TMEM131: variants seen among roughly 807,000 people sequenced by gnomAD.
TMEM131 encodes 2610524E03Rik.
In TMEM131, 66 loss-of-function variants were observed where a neutral mutation model predicts 211.6. The observed-to-expected ratio is 0.31, with a 90% CI of 0.26 to 0.38. TMEM131 has a LOEUF of 0.38. TMEM131 is among the 10% of genes least tolerant of loss of function. The probability of loss-of-function intolerance (pLI) is 1.00; values close to 1 mark genes in which losing one functional copy is unlikely to be tolerated. For missense variants in TMEM131, 2,036 were observed against 2,299.3 expected (o/e 0.89, Z 2.34); for synonymous variants, 844 against 841.3 (o/e 1.00, Z -0.06).
Position 97,834,819 on chromosome 2 carries a change from C to T in TMEM131, c.911G>A (p.Ser304Asn). 6.2e-7 allele frequency: 1 copy of T among 1,613,848 alleles called. No individual in the cohort carries two copies. Among genetic ancestry groups the T allele is most frequent in the South Asian group, 1.1e-5 (1 of 91,070 alleles). Residue 304 changes from serine to asparagine, a missense_variant, in exon 9 of 41, where the codon AGC becomes AAC. Physicochemically the swap from Ser to Asn is conservative, Grantham distance 46. This residue lies in a region of TMEM131 where 277 missense variants were observed against 378.0 expected (regional missense o/e 0.73). Transcript: ENST00000186436. ...AACAGGAAGAATGATAAACTCTGTG[C>T]TGTCTGAAGCATTAGTCTTTATTCT... is the stretch of plus-strand genomic sequence containing the variant. ...FIRIKTNASD[S>N]TEFIILPVEV...
intron 17 of TMEM131, 41 bp from the exon 18 acceptor site, chr2:97,811,273 G>A (rs1681537770): frequency 6.7e-7 from 1 of 1,491,652 alleles, no homozygotes; most frequent in Non-Finnish European, 9.3e-7. Flanking sequence ...AGCCTTGTTA[G>A]TTGAAGTTTC....
intron 31 of TMEM131, among the ~76,000 whole-genome samples, chr2:97,792,122 T>A (rs376099213): frequency 7.9e-5 from 12 of 152,300 alleles, no homozygotes; most frequent in African/African-American, 2.9e-4. Context: ...AATAACACAA[T>A]CTCAGGCAGC....
chr2:97,822,733 G>A (rs745910748), intron 11 of TMEM131, among the ~76,000 whole-genome samples: 43 of 152,176 alleles, frequency 2.8e-4, no homozygotes, highest in Admixed American at 1.2e-3. Context: ...CAACTATTCC[G>A]ATCAGCAGGG....
intron 2 of TMEM131, among the ~76,000 whole-genome samples, chr2:97,922,635 G>C (rs1206466135): frequency 6.6e-6 from 1 of 152,056 alleles, no homozygotes; most frequent in African/African-American, 2.4e-5. Flanking sequence ...AATACAAACT[G>C]TATGAACTTC....
At chr2:97,868,842 G>A (rs137925409) in intron 4 of TMEM131, among the ~76,000 whole-genome samples, 29 of 152,278 alleles carry the variant, frequency 1.9e-4, no homozygotes, top group Non-Finnish European at 7.4e-5. Flanking sequence ...TTGCCTCCGT[G>A]GAGACTCAGA....
At chr2:97,939,140 C>T (rs1486253590) in intron 1 of TMEM131, among the ~76,000 whole-genome samples, 1 of 152,078 alleles carries the variant, frequency 6.6e-6, no homozygotes, top group Non-Finnish European at 1.5e-5. Flanking sequence ...AGAGCAAACA[C>T]ATTCAAAAGC....
In TMEM131 at chr2:97,818,670, T is replaced by C. The variant is rs1333658523; in HGVS notation, c.1126A>G (p.Ile376Val). 1.9e-6 allele frequency: 3 copies of C among 1,608,968 alleles called. No homozygotes were observed. Among genetic ancestry groups the C allele is most frequent in the Non-Finnish European group, 1.7e-6 (2 of 1,177,074 alleles). The change falls in exon 12 of 41, where the codon ATT becomes GTT. Residue 376 changes from isoleucine (I) to valine (V), a missense_variant. Physicochemically the swap from Ile to Val is conservative, Grantham distance 29 (BLOSUM62 3). This residue lies in a region of TMEM131 where 277 missense variants were observed against 378.0 expected (regional missense o/e 0.73). Transcript: ENST00000186436. Reference sequence around the variant, plus strand: ...TTACTTTCTGATGCTTTTAATGTAATTGGTTTAAAGTGTACCGTTATAGCA... The same window carrying C: ...TTACTTTCTGATGCTTTTAATGTAACTGGTTTAAAGTGTACCGTTATAGCA... ...NDAITVHFKP[I>V]TLKASESKYT...
chr2:97,849,881 G>A (rs1364836763), intron 5 of TMEM131, among the ~76,000 whole-genome samples: 4 of 151,738 alleles, frequency 2.6e-5, no homozygotes, highest in Admixed American at 6.6e-5. Flanking sequence ...CTCTTGGTGG[G>A]CAAGATTAAA....
chr2:97,970,764 G>A (rs1281252090), intron 1 of TMEM131, among the ~76,000 whole-genome samples: 1 of 152,104 alleles, frequency 6.6e-6, no homozygotes, highest in Non-Finnish European at 1.5e-5. Flanking sequence ...CCAACTTCTG[G>A]TGGTCTGCCA....
At chr2:97,786,059 C>T (rs1373424813) in intron 31 of TMEM131, among the ~76,000 whole-genome samples, 1 of 152,136 alleles carries the variant, frequency 6.6e-6, no homozygotes, top group Non-Finnish European at 1.5e-5. Flanking sequence ...GAAAAGGGCC[C>T]ATGAGGATTC....
chr2:97,966,863 CA>C (rs1201075234), intron 1 of TMEM131, among the ~76,000 whole-genome samples: 2 of 152,112 alleles, frequency 1.3e-5, no homozygotes, highest in Non-Finnish European at 2.9e-5. Context: ...TCCAAGTCAG[CA>C]GTCTGTTTAC....
chr2:97,989,066 A>G (rs1312029455), intron 1 of TMEM131, among the ~76,000 whole-genome samples: 1 of 152,250 alleles, frequency 6.6e-6, no homozygotes, highest in African/African-American at 2.4e-5. Flanking sequence ...ATGGAATATA[A>G]TTCAACCTTA....
chr2:97,766,700 C>T, intron 33 of TMEM131, 98 bp from the exon 34 acceptor site: 1 of 1,463,934 alleles, frequency 6.8e-7, no homozygotes, highest in Non-Finnish European at 9.3e-7. Flanking sequence ...CAACTGCATG[C>T]AGGAAGCTAA....
At chr2:97,800,802 G>T (rs1333369823) in intron 25 of TMEM131, among the ~76,000 whole-genome samples, 1 of 151,784 alleles carries the variant, frequency 6.6e-6, no homozygotes, top group African/African-American at 2.4e-5. Context: ...AGGAAGTTCT[G>T]GTTACTGAGC....
chr2:97,858,158 T>C (rs1421390503), intron 5 of TMEM131, among the ~76,000 whole-genome samples: 4 of 152,194 alleles, frequency 2.6e-5, no homozygotes, highest in Non-Finnish European at 4.4e-5. Flanking sequence ...TATAAAAATG[T>C]AGCAACCAAT....
At chr2:97,977,645 C>T (rs1298572627) in intron 1 of TMEM131, among the ~76,000 whole-genome samples, 1 of 152,182 alleles carries the variant, frequency 6.6e-6, no homozygotes, top group East Asian at 1.9e-4. Flanking sequence ...TATATCTTAA[C>T]TTAAAAATAC....
At chr2:97,768,095 TA>T (rs1336528809) in intron 33 of TMEM131, among the ~76,000 whole-genome samples, 2 of 152,180 alleles carry the variant, frequency 1.3e-5, no homozygotes, top group Non-Finnish European at 2.9e-5. Flanking sequence ...ATTTCACAAG[TA>T]GGTATTATAT....
chr2:97,962,982 A>T (rs1678888897), intron 1 of TMEM131, among the ~76,000 whole-genome samples: 1 of 152,234 alleles, frequency 6.6e-6, no homozygotes, highest in Non-Finnish European at 1.5e-5. Flanking sequence ...AAAGCAGAGC[A>T]ATAGTTGTTG....
At chr2:97,962,951 A>T (rs1678887915) in intron 1 of TMEM131, among the ~76,000 whole-genome samples, 1 of 152,254 alleles carries the variant, frequency 6.6e-6, no homozygotes. Context: ...TAGACCACGC[A>T]GCAGCTACAG....
Sources: allele counts gnomAD v4.1 joint callset (sites outside exome capture counted in the v4.1 genomes callset), GRCh38; gene constraint gnomAD v4.1.1; regional missense constraint gnomAD v4.1.1; transcripts MANE v1.5; gene names NCBI Gene and HGNC (gene_info 2026-07-23, HGNC 2026-07-21).